ARHGEF10L: variants seen among roughly 807,000 people sequenced by gnomAD.
ARHGEF10L encodes Rho guanine nucleotide exchange factor 10 like.
ARHGEF10L carries 69 observed loss-of-function variants against 141.2 expected under a neutral mutation model. The observed-to-expected ratio is 0.49, with a 90% CI of 0.40 to 0.60. The LOEUF (loss-of-function observed/expected upper bound fraction) is 0.60, where lower values mean the gene tolerates loss of function less well. Ranked by LOEUF, ARHGEF10L falls within the 20% of genes least tolerant of loss-of-function variation. The pLI, the probability that ARHGEF10L is intolerant of heterozygous loss-of-function variation, is 0.00. For missense variants in ARHGEF10L, 1,482 were observed against 1,734.3 expected, an observed-to-expected ratio of 0.85 and a Z score of 2.58; for synonymous variants, 711 against 718.5, an observed-to-expected ratio of 0.99 and a Z score of 0.17.
At chr1:17,577,994 C>T (rs2078293409) in intron 1 of ARHGEF10L, among the ~76,000 whole-genome samples, 1 of 152,166 alleles carries the variant, frequency 6.6e-6, no homozygotes, top group Non-Finnish European at 1.5e-5. Flanking sequence ...GGACATTGGA[C>T]TTTCTGCCCT....
chr1:17,649,091 G>A (rs2061763089), intron 22 of ARHGEF10L, among the ~76,000 whole-genome samples: 1 of 152,196 alleles, frequency 6.6e-6, no homozygotes, highest in Non-Finnish European at 1.5e-5. Flanking sequence ...GGCCTCCCGT[G>A]TATTGAGCAC....
intron 22 of ARHGEF10L, among the ~76,000 whole-genome samples, chr1:17,653,584 C>T (rs2062057674): frequency 6.6e-6 from 1 of 152,200 alleles, no homozygotes; most frequent in Non-Finnish European, 1.5e-5. Context: ...ACAGGGAGCC[C>T]AGAGGCCGGG....
chr1:17,605,786 G>C (rs555493594), intron 6 of ARHGEF10L, among the ~76,000 whole-genome samples: 324 of 152,302 alleles, frequency 2.1e-3, no homozygotes, highest in Middle Eastern at 0.01. Context: ...TCCTCCTCAG[G>C]GCTACCCTGA....
At chr1:17,661,568 G>A (rs1406609388) in intron 25 of ARHGEF10L, among the ~76,000 whole-genome samples, 3 of 152,174 alleles carry the variant, frequency 2.0e-5, no homozygotes, top group Non-Finnish European at 2.9e-5. Flanking sequence ...TCTGTTCCAG[G>A]GGAGTGGATG....
rs567834882 is a variant in ARHGEF10L, at chr1:17,679,566, C to T, written c.3010-8007C>T. Among the ~76,000 whole-genome samples, 346 of 152,288 alleles carry T rather than the reference C, an allele frequency of 2.3e-3. No individual in the cohort carries two copies. The Middle Eastern group carries it at 0.024, about 10-fold the overall frequency. On this transcript the variant is annotated intron_variant, in intron 26 of 28. Coordinates refer to ENST00000361221, the MANE Select transcript of ARHGEF10L (RefSeq NM_018125.4). ...CTTTCCTCCCATGTCCTAAGCAGCGCGACTTTGCACATCATTTAGCCTGTC... is the reference window on the plus strand; with the variant it reads ...CTTTCCTCCCATGTCCTAAGCAGCGTGACTTTGCACATCATTTAGCCTGTC...
the ARHGEF10L span, among the ~76,000 whole-genome samples, chr1:17,520,107 T>C: frequency 6.6e-6 from 1 of 152,196 alleles, no homozygotes; most frequent in Non-Finnish European, 1.5e-5. Flanking sequence ...TTCCCCATCT[T>C]GGTTCTTGCC....
At chr1:17,618,390 C>T (rs1221676495) in intron 9 of ARHGEF10L, 38 of 1,542,954 alleles carry the variant, frequency 2.5e-5, no homozygotes, top group Non-Finnish European at 2.6e-5. Flanking sequence ...GAGGAAGCTG[C>T]GAGGCAGGCT....
intron 26 of ARHGEF10L, among the ~76,000 whole-genome samples, chr1:17,670,511 C>T (rs1273083206): frequency 6.6e-6 from 1 of 151,918 alleles, no homozygotes; most frequent in Non-Finnish European, 1.5e-5. Flanking sequence ...ATGATTGTTG[C>T]ATCTTAATTT....
At chr1:17,696,079 G>T (rs761860892) in intron 28 of ARHGEF10L, among the ~76,000 whole-genome samples, 1 of 152,000 alleles carries the variant, frequency 6.6e-6, no homozygotes, top group Non-Finnish European at 1.5e-5. Context: ...TGGGCATGGC[G>T]GTGTGCGCCT....
chr1:17,539,518 G>A (rs1431513450), upstream of ARHGEF10L, among the ~76,000 whole-genome samples: 1 of 151,960 alleles, frequency 6.6e-6, no homozygotes, highest in Non-Finnish European at 1.5e-5. This position sits in a 1 kb window ranked among gnomAD's most constrained non-coding sequence, Gnocchi z 6.0. Context: ...CCCCTGTACT[G>A]TGGGGGGCCG....
At chr1:17,632,802 C>T (rs997854362) in intron 16 of ARHGEF10L, among the ~76,000 whole-genome samples, 2 of 152,234 alleles carry the variant, frequency 1.3e-5, no homozygotes, top group African/African-American at 4.8e-5. Context: ...CCCCAGATCC[C>T]TGCGGCTTTA....
chr1:17,577,147 T>C (rs534076617), intron 1 of ARHGEF10L, among the ~76,000 whole-genome samples: 1 of 152,336 alleles, frequency 6.6e-6, no homozygotes, highest in African/African-American at 2.4e-5. Flanking sequence ...CAGGTTCAAG[T>C]GATTCTCCTG....
At chr1:17,561,887 C>A (rs2077558971) in intron 1 of ARHGEF10L, among the ~76,000 whole-genome samples, 1 of 152,238 alleles carries the variant, frequency 6.6e-6, no homozygotes, top group Non-Finnish European at 1.5e-5. Context: ...TCGACCACAG[C>A]TGCTCAATCG....
intron 9 of ARHGEF10L, chr1:17,618,625 A>ACAGC: frequency 1.2e-6 from 1 of 865,096 alleles, no homozygotes. Flanking sequence ...CCTGCTGCCC[A>ACAGC]CAGCCACCGC....
chr1:17,565,347 G>T (rs951277723), intron 1 of ARHGEF10L, among the ~76,000 whole-genome samples: 1 of 152,216 alleles, frequency 6.6e-6, no homozygotes, highest in African/African-American at 2.4e-5. Flanking sequence ...CACAGGCCCT[G>T]GAAGCCCTCA....
At chr1:17,522,407 G>A in the ARHGEF10L span, among the ~76,000 whole-genome samples, 4 of 152,196 alleles carry the variant, frequency 2.6e-5, no homozygotes, top group Admixed American at 6.5e-5. Context: ...GAGGAATAGA[G>A]GCTCAGAGAC....
At chr1:17,538,738 G>A (rs533548838), upstream of ARHGEF10L, among the ~76,000 whole-genome samples, 38 of 151,582 alleles carry the variant, frequency 2.5e-4, no homozygotes, top group African/African-American at 8.7e-4. Context: ...TGGGCTGTAA[G>A]GAACACAAGC....
At chr1:17,612,309 G>A (rs1157667038) in intron 7 of ARHGEF10L, among the ~76,000 whole-genome samples, 2 of 151,734 alleles carry the variant, frequency 1.3e-5, no homozygotes, top group Non-Finnish European at 2.9e-5. Context: ...AGCACTGCCT[G>A]AATCCATTCT....
intron 15 of ARHGEF10L, among the ~76,000 whole-genome samples, chr1:17,630,121 C>T (rs1201548987): frequency 4.6e-5 from 7 of 152,212 alleles, no homozygotes; most frequent in African/African-American, 1.7e-4. Flanking sequence ...CTTCCCCCTC[C>T]AGGGCCCTCC....
Sources: gnomAD v4.1 joint callset for allele counts (sites outside exome capture counted in the v4.1 genomes callset) on GRCh38, gnomAD v4.1.1 for gene constraint, Gnocchi (gnomAD v3.1) non-coding constraint, MANE v1.5 for transcripts, NCBI Gene and HGNC (gene_info 2026-07-23, HGNC 2026-07-21) for gene names.